The following TDRD1 variants were observed in gnomAD, a reference collection of about 807,000 sequenced individuals.
TDRD1 encodes the protein tudor domain containing 1.
TDRD1 carries 37 observed loss-of-function variants against 140.6 expected under a neutral mutation model. The ratio of observed to expected loss-of-function variants is 0.26; its 90% confidence interval spans 0.20 to 0.35. TDRD1 has a LOEUF of 0.35. TDRD1 is among the 10% of genes least tolerant of loss of function. TDRD1 has a pLI of 1.00. For missense variants in TDRD1, 1,243 were observed against 1,393.0 expected (o/e 0.89, Z 1.71); for synonymous variants, 506 against 475.7 (o/e 1.06, Z -0.83).
intron 7 of TDRD1, 105 bp downstream of exon 7, chr10:114,203,281 C>T: frequency 6.7e-7 from 1 of 1,492,894 alleles, no homozygotes; most frequent in Non-Finnish European, 9.1e-7. Flanking sequence ...ATAAACATTG[C>T]AAAAACTGCC....
chr10:114,222,239 T>C (rs563148910), intron 20 of TDRD1, among the ~76,000 whole-genome samples: 1 of 152,308 alleles, frequency 6.6e-6, no homozygotes, highest in East Asian at 1.9e-4. Context: ...GAGGATAATT[T>C]TATTAAGTAT....
chr10:114,188,091 C>T (rs1197471888), exon 2 of TDRD1: 1 of 1,613,028 alleles, frequency 6.2e-7, no homozygotes, highest in South Asian at 1.1e-5. Flanking sequence ...TCAGTTTCTT[C>T]AAACCCGAAT....
chr10:114,181,772 G>T (rs1311760595), intron 1 of TDRD1, among the ~76,000 whole-genome samples: 1 of 151,414 alleles, frequency 6.6e-6, no homozygotes. Flanking sequence ...TTGAACCCAG[G>T]ATGCAGAGGT....
intron 21 of TDRD1, among the ~76,000 whole-genome samples, chr10:114,224,028 G>A (rs551584649): frequency 6.6e-6 from 1 of 151,992 alleles, no homozygotes; most frequent in Non-Finnish European, 1.5e-5. Context: ...TTCTTCCTTC[G>A]TCCCACCTTG....
At chr10:114,217,892 T>C (rs1236278371) in intron 17 of TDRD1, among the ~76,000 whole-genome samples, 1 of 152,220 alleles carries the variant, frequency 6.6e-6, no homozygotes, top group African/African-American at 2.4e-5. Context: ...AGAATTTCTG[T>C]TAATATTAAA....
chr10:114,201,387 A>G (rs760821249), intron 4 of TDRD1, 23 bp from the exon 5 acceptor site: 1 of 1,589,320 alleles, frequency 6.3e-7, no homozygotes, highest in Non-Finnish European at 8.6e-7. Flanking sequence ...CATCTGAACT[A>G]TTTTGTGGGT....
At chr10:114,200,539 G>A (rs1026144901) in intron 4 of TDRD1, among the ~76,000 whole-genome samples, 2 of 151,958 alleles carry the variant, frequency 1.3e-5, no homozygotes, top group African/African-American at 2.4e-5. Flanking sequence ...CATTTCAGTC[G>A]CTTGTACAAG....
intron 25 of TDRD1, among the ~76,000 whole-genome samples, chr10:114,231,232 CAG>C (rs2036736093): frequency 6.6e-6 from 1 of 152,110 alleles, no homozygotes; most frequent in Non-Finnish European, 1.5e-5. Context: ...AAGTTAATGT[CAG>C]ATATCTTTTA....
At chr10:114,225,823 C>G (rs1315485413) in intron 21 of TDRD1, among the ~76,000 whole-genome samples, 1 of 150,706 alleles carries the variant, frequency 6.6e-6, no homozygotes, top group African/African-American at 2.5e-5. Context: ...TGCCACTGCA[C>G]TCCAGCCTGG....
At chr10:114,229,279 T>C (rs1022318344) in intron 25 of TDRD1, among the ~76,000 whole-genome samples, 1 of 152,196 alleles carries the variant, frequency 6.6e-6, no homozygotes, top group African/African-American at 2.4e-5. Context: ...ATAATACTCT[T>C]CATGAATCTT....
chr10:114,204,655 A>G, intron 9 of TDRD1, 67 bp from the exon 10 acceptor site: 2 of 1,449,652 alleles, frequency 1.4e-6, no homozygotes, highest in South Asian at 2.8e-5. Flanking sequence ...TCTTTTATAT[A>G]CAAATAATTA....
intron 21 of TDRD1, among the ~76,000 whole-genome samples, chr10:114,225,335 T>C (rs572140506): frequency 6.6e-6 from 1 of 152,316 alleles, no homozygotes; most frequent in Non-Finnish European, 1.5e-5. Flanking sequence ...AATCTTCATT[T>C]CCAACTCCAT....
chr10:114,214,218 A>G (rs2035666310), intron 16 of TDRD1, 104 bp downstream of exon 16: 1 of 958,036 alleles, frequency 1.0e-6, no homozygotes, highest in Non-Finnish European at 1.6e-6. Context: ...CTTTCCAAGA[A>G]GAGCCAAGTG....
chr10:114,223,393 C>T (rs1396113786), intron 21 of TDRD1, among the ~76,000 whole-genome samples: 1 of 152,244 alleles, frequency 6.6e-6, no homozygotes. Flanking sequence ...CACTGGGGCA[C>T]AGGCCTGCCT....
intron 16 of TDRD1, among the ~76,000 whole-genome samples, chr10:114,216,967 T>C (rs2035850207): frequency 6.6e-6 from 1 of 152,230 alleles, no homozygotes; most frequent in Non-Finnish European, 1.5e-5. Flanking sequence ...CAGGGACAGC[T>C]CCAATGTCTC....
At chr10:114,204,274 G>A in intron 9 of TDRD1, 58 bp downstream of exon 9, 1 of 1,510,070 alleles carries the variant, frequency 6.6e-7, no homozygotes, top group Non-Finnish European at 8.9e-7. Context: ...TGTTGTCAAT[G>A]TTTTGATGGG....
chr10:114,203,596 A>G, intron 8 of TDRD1, 29 bp downstream of exon 8: 1 of 1,570,704 alleles, frequency 6.4e-7, no homozygotes, highest in Non-Finnish European at 8.6e-7. Flanking sequence ...AATTATTTAA[A>G]ACGTTTGAGC....
chr10:114,219,914 A>G (rs2036041334), intron 18 of TDRD1, among the ~76,000 whole-genome samples: 4 of 152,142 alleles, frequency 2.6e-5, no homozygotes, highest in African/African-American at 7.2e-5. Flanking sequence ...CTTAATTACC[A>G]TATTTTATTC....
rs2036133557 is a variant in TDRD1, at chr10:114,221,345, G to T, written c.2771-12G>T. On this transcript the variant is annotated splice_polypyrimidine_tract_variant and intron_variant, in intron 19 of 25. Transcript: ENST00000251864. Reference sequence around the variant, plus strand: ...TTATTCCGTGTGAGACCTGTGTTTTGTATGTTTCCAGCTACCTCTTCAGCT... The same window carrying T: ...TTATTCCGTGTGAGACCTGTGTTTTTTATGTTTCCAGCTACCTCTTCAGCT... 3.7e-6 allele frequency: 6 copies of T among 1,612,066 alleles called. No homozygotes were observed. In the South Asian group the frequency reaches 6.6e-5, roughly 18 times the overall value.
Sources: gnomAD v4.1 joint callset for allele counts (sites outside exome capture counted in the v4.1 genomes callset) on GRCh38, gnomAD v4.1.1 for gene constraint, MANE v1.5 for transcripts, NCBI Gene and HGNC (gene_info 2026-07-23, HGNC 2026-07-21) for gene names.